The following MYO15B variants were observed in gnomAD, a reference collection of about 807,000 sequenced individuals.
MYO15B encodes the protein myosin XVB, also known as myosin XVB pseudogene.
Under a neutral mutation model 119.3 loss-of-function variants are expected in MYO15B, and 207 were observed. That is an observed-to-expected ratio of 1.73 (90% CI 1.55 to 1.95). The LOEUF (loss-of-function observed/expected upper bound fraction) is 1.95, where lower values mean the gene tolerates loss of function less well. MYO15B is among the 30% of genes most tolerant of loss of function. The pLI, the probability that MYO15B is intolerant of heterozygous loss-of-function variation, is 0.00. For missense variants in MYO15B, 2,264 were observed against 1,203.1 expected (o/e 1.88, Z -13.04); for synonymous variants, 966 against 498.9 (o/e 1.94, Z -12.48).
In MYO15B at chr17:75,616,380, CAGGAGG is replaced by C. The variant is rs368250560; in HGVS notation, c.6208_6213del (p.Glu2070_Glu2071del). 1,481 of 608,844 alleles carry C rather than the reference CAGGAGG, an allele frequency of 2.4e-3. 8 individuals carry two copies. The highest frequency in any genetic ancestry group is 0.013 in the African/African-American group (698 of 53,444). The allele number at this position is 608,844 out of a possible 1,614,324, so 37.7% of individuals were successfully genotyped here. A position where few individuals can be genotyped will look rare whatever the true frequency, so the allele number is the denominator to read the frequency against. On this transcript the variant is annotated inframe_deletion, in exon 38 of 64. Coordinates refer to ENST00000645453, the Ensembl canonical transcript of MYO15B. The stretch of plus-strand genomic sequence containing the variant: ...GGTCCACATCCCCCAGGGGGAAGCG[CAGGAGG>C]AGGAGGAGGAGGAGGAGGAGGAGGA...
intron 60 of MYO15B, 51 bp from the exon 61 acceptor site, chr17:75,625,476 G>A (rs895968335): frequency 1.9e-5 from 13 of 701,476 alleles, no homozygotes; most frequent in African/African-American, 1.4e-4. Context: ...TGTATGCCCA[G>A]CCCTGTACCA....
At chr17:75,597,417 A>C (rs868707896) in intron 14 of MYO15B, among the ~76,000 whole-genome samples, 18 of 152,300 alleles carry the variant, frequency 1.2e-4, no homozygotes, top group Admixed American at 3.9e-4. Context: ...GCGTCTATTC[A>C]TTCACTGACT....
At position 75,589,386 on chromosome 17, in the gene MYO15B, C is replaced by T. The variant is rs991033774; in HGVS notation, c.1329C>T (p.Gly443=). 6 of 381,376 alleles carry T rather than the reference C, an allele frequency of 1.6e-5. No individual in the cohort carries two copies. In the Admixed American group the frequency reaches 2.1e-4, roughly 13 times the overall value. The allele number at this position is 381,376 out of a possible 1,614,324, so 23.6% of individuals were successfully genotyped here. A position where few individuals can be genotyped will look rare whatever the true frequency, so the allele number is the denominator to read the frequency against. ...ACGAGCGAGGGGACGAGGGTCGGGG[C>T]CGCGGGAAAGCGGACGAAGGGCGGG... The change falls in exon 1 of 64, where the codon GGC becomes GGT. Residue 443 remains glycine, a synonymous_variant. Transcript: ENST00000645453. This position sits in a 1 kb window ranked among gnomAD's most constrained non-coding sequence, Gnocchi z 4.2.
intron 5 of MYO15B, 25 bp downstream of exon 5, chr17:75,591,737 C>T (rs1027150517): frequency 1.4e-6 from 1 of 702,704 alleles, no homozygotes; most frequent in African/African-American, 1.7e-5. Context: ...GGAGGTACCT[C>T]ATGGGTTGAG....
intron 12 of MYO15B, among the ~76,000 whole-genome samples, chr17:75,595,733 C>T (rs56112147): frequency 1.2e-4 from 19 of 152,326 alleles, no homozygotes; most frequent in Admixed American, 3.9e-4. Flanking sequence ...AGGGTGGGCC[C>T]GCCTGTAGCC....
exon 34 of MYO15B, chr17:75,615,287 C>T (rs1181269253): frequency 2.8e-6 from 2 of 702,668 alleles, no homozygotes; most frequent in Admixed American, 4.0e-5. Flanking sequence ...AGGCATGGTC[C>T]CTGCACCCAT....
In MYO15B at chr17:75,589,753, TC is replaced by T. The variant is rs1230721127; in HGVS notation, c.1698del (p.Ala567GlnfsTer110). On this transcript the variant is annotated frameshift_variant, in exon 1 of 64. Transcript: ENST00000645453. LOFTEE classifies it high-confidence loss of function. The surrounding 1 kb of genome is among the most constrained non-coding windows in gnomAD (Gnocchi z 4.2). ...GAGCAGCCGCAGCTCTGAAGAAGCG[TC>T]CGCAGATGCCCCCACGGGGGAAGGC... is the stretch of plus-strand genomic sequence containing the variant. 1.3e-5 allele frequency: 5 copies of T among 397,304 alleles called. No individual in the cohort carries two copies. The highest frequency in any genetic ancestry group is 8.3e-5 in the African/African-American group (4 of 48,224). The allele number at this position is 397,304 out of a possible 1,614,324, so 24.6% of individuals were successfully genotyped here.
intron 51 of MYO15B, 39 bp downstream of exon 51, chr17:75,621,447 GCCCTCTGACC>G: frequency 1.4e-6 from 1 of 698,654 alleles, no homozygotes; most frequent in Non-Finnish European, 2.6e-6. Flanking sequence ...CCGTAGATCT[GCCCTCTGACC>G]CCCACGGCCC....
intron 14 of MYO15B, among the ~76,000 whole-genome samples, chr17:75,597,907 AGTT>A (rs2056973231): frequency 6.6e-6 from 1 of 150,548 alleles, no homozygotes; most frequent in Non-Finnish European, 1.5e-5. Context: ...CAGAGTGAGA[AGTT>A]GTTTCAAACT....
intron 23 of MYO15B, among the ~76,000 whole-genome samples, chr17:75,611,284 A>T (rs1172232822): frequency 6.6e-6 from 1 of 151,966 alleles, no homozygotes; most frequent in Non-Finnish European, 1.5e-5. Context: ...CAACATGACA[A>T]GACCCCATCT....
intron 6 of MYO15B, 65 bp downstream of exon 6, chr17:75,592,145 C>T (rs2056507330): frequency 2.9e-6 from 2 of 701,640 alleles, no homozygotes; most frequent in South Asian, 3.0e-5. Flanking sequence ...TGGGCTGCTT[C>T]CCTGGGGTCC....
chr17:75,625,475 A>AG (rs769616255), intron 60 of MYO15B, 52 bp from the exon 61 acceptor site: 65 of 700,858 alleles, frequency 9.3e-5, no homozygotes, highest in Non-Finnish European at 1.6e-4. Context: ...CTGTATGCCC[A>AG]GCCCTGTACC....
intron 16 of MYO15B, 27 bp from the exon 17 acceptor site, chr17:75,602,803 A>G (rs891446734): frequency 4.9e-6 from 3 of 610,250 alleles, no homozygotes; most frequent in Non-Finnish European, 8.8e-6. Flanking sequence ...CCCAGCGGCC[A>G]GCTGACTCAG....
In MYO15B at chr17:75,622,409, G is replaced by C. The variant is rs544231550; in HGVS notation, c.8082+329G>C. On this transcript the variant is annotated intron_variant, in intron 53 of 63. Transcript: ENST00000645453. ...GGGTGACAGAGAAGGGCAGGCAACA[G>C]TTCAGATGTGGGGGGAAGCCTCGGC... Among the ~76,000 whole-genome samples, 4 of 152,298 alleles carry C rather than the reference G, an allele frequency of 2.6e-5. No individual in the cohort carries two copies. The East Asian group carries it at 7.7e-4, about 29-fold the overall frequency.
rs774736630 is a variant in MYO15B, at chr17:75,602,751, G to A, written c.3730-79G>A. 4 of 604,564 alleles carry A rather than the reference G, an allele frequency of 6.6e-6. No individual in the cohort carries two copies. In the Middle Eastern group the frequency reaches 1.3e-3, roughly 199 times the overall value. 37.4% of individuals were successfully genotyped at this position (604,564 alleles called of 1,614,324 possible). The stretch of plus-strand genomic sequence containing the variant: ...GCCAGGGTCTGGATGCCGAGGGCTG[G>A]TCCATTCTGGCTCTCCCGGGCTGCA... On this transcript the variant is annotated intron_variant, in intron 16 of 63. Transcript: ENST00000645453.
chr17:75,611,013 C>G, intron 23 of MYO15B, 54 bp downstream of exon 23: 1 of 702,746 alleles, frequency 1.4e-6, no homozygotes, highest in Non-Finnish European at 2.6e-6. Flanking sequence ...CCTGCTGAGA[C>G]TGGGACAGCT....
chr17:75,600,611 G>GCCTTTTTTTTT (rs2057210177), intron 14 of MYO15B: 2 of 135,796 alleles, frequency 1.5e-5, no homozygotes, highest in Non-Finnish European at 3.1e-5. Context: ...TTGAGACGGA[G>GCCTTTTTTTTT]TTTGGTTCTT....
chr17:75,622,010 T>C lies in MYO15B; in HGVS notation c.8012T>C (p.Met2671Thr), dbSNP rs895151703. 4.3e-6 allele frequency: 3 copies of C among 702,840 alleles called. No individual in the cohort carries two copies. In the African/African-American group the frequency reaches 5.2e-5, roughly 12 times the overall value. The allele number at this position is 702,840 out of a possible 1,614,324, so 43.5% of individuals were successfully genotyped here. The change falls in exon 53 of 64, where the codon ATG becomes ACG. Residue 2671 changes from methionine to threonine, a missense_variant. Transcript: ENST00000645453. ...TTTCTTATCGTGCCTGCAGCCCTGATGCGGTTTATGGGTGACCAGTCCAAG... is the reference window on the plus strand; with the variant it reads ...TTTCTTATCGTGCCTGCAGCCCTGACGCGGTTTATGGGTGACCAGTCCAAG...
rs1250571229 is a variant in MYO15B at position 75,602,427 on chromosome 17, A to G, written c.3652-90A>G. 3 of 702,206 alleles carry G rather than the reference A, an allele frequency of 4.3e-6. No homozygotes were observed. In the Admixed American group the frequency reaches 6.0e-5, roughly 14 times the overall value. The allele number at this position is 702,206 out of a possible 1,614,324, so 43.5% of individuals were successfully genotyped here. Reference sequence around the variant, plus strand: ...TTCAGGTCACCTGGGGAGAGGGTAGATTCTTCTCCTCCATATCCAGCCTCC... The same window carrying G: ...TTCAGGTCACCTGGGGAGAGGGTAGGTTCTTCTCCTCCATATCCAGCCTCC... On this transcript the variant is annotated intron_variant, in intron 15 of 63. Transcript: ENST00000645453.
Sources: allele counts gnomAD v4.1 joint callset (sites outside exome capture counted in the v4.1 genomes callset), GRCh38; gene constraint gnomAD v4.1.1; non-coding constraint Gnocchi (gnomAD v3.1); transcripts MANE v1.5; gene names NCBI Gene and HGNC (gene_info 2026-07-23, HGNC 2026-07-21).